The following VCAN variants were observed in gnomAD, a reference collection of about 807,000 sequenced individuals.
VCAN encodes the protein versican core protein.
VCAN carries 44 observed loss-of-function variants against 245.5 expected under a neutral mutation model. That is an observed-to-expected ratio of 0.18 (90% CI 0.14 to 0.23). The LOEUF (loss-of-function observed/expected upper bound fraction) is 0.23, where lower values mean the gene tolerates loss of function less well. Among genes scored for constraint, VCAN ranks in the 10% least tolerant of loss-of-function variants. VCAN has a pLI of 1.00. For missense variants in VCAN, 3,793 were observed against 4,057.9 expected (o/e 0.93, Z 1.77); for synonymous variants, 1,413 against 1,437.0 (o/e 0.98, Z 0.38).
chr5:83,529,667 C>A (rs906161958), intron 7 of VCAN, among the ~76,000 whole-genome samples: 2 of 152,028 alleles, frequency 1.3e-5, no homozygotes, highest in African/African-American at 4.8e-5. Context: ...CCTCCACAGG[C>A]CTCAGTTGTT....
Position 83,553,333 on chromosome 5 carries a change from G to A in VCAN, c.9494-31G>A, listed in dbSNP as rs774973340. ...TGCCAAGTTTGAATGACGTATGTGC[G>A]TTTAATAAGCTCCTGCCTGTTTCTT... On this transcript the variant is annotated intron_variant, in intron 10 of 14. Transcript: ENST00000265077. 71 of 1,613,324 alleles carry A rather than the reference G, an allele frequency of 4.4e-5. 1 individual carries two copies. In the Admixed American group the frequency reaches 1.0e-3, roughly 23 times the overall value.
intron 1 of VCAN, among the ~76,000 whole-genome samples, chr5:83,480,813 A>G (rs1191284462): frequency 3.9e-5 from 6 of 152,222 alleles, no homozygotes; most frequent in Non-Finnish European, 7.3e-5. Flanking sequence ...TTTCAAATGT[A>G]AGAGCCCCAA....
intron 7 of VCAN, among the ~76,000 whole-genome samples, chr5:83,525,052 T>C (rs1391957054): frequency 1.3e-5 from 2 of 151,720 alleles, no homozygotes; most frequent in African/African-American, 4.8e-5. Flanking sequence ...TCTTGTTTTT[T>C]TTTTTTTTTT....
Position 83,538,794 on chromosome 5 carries a change from G to A in VCAN, c.5791G>A (p.Glu1931Lys). 1 of 1,613,932 alleles carries A rather than the reference G, an allele frequency of 6.2e-7. No individual in the cohort carries two copies. The highest frequency in any genetic ancestry group is 8.5e-7 in the Non-Finnish European group (1 of 1,179,962). ...GGGCTTTTCCACAGGTTTTCCTTTGGAGGAAGATTTCAGTGGTGACTTTAG... is the reference window on the plus strand; with the variant it reads ...GGGCTTTTCCACAGGTTTTCCTTTGAAGGAAGATTTCAGTGGTGACTTTAG... Reference protein sequence around the residue: ...IRGFSTGFPLEEDFSGDFREY... With the variant: ...IRGFSTGFPLKEDFSGDFREY... Residue 1931 changes from glutamate to lysine, a missense_variant, in exon 8 of 15, where the codon GAG (glutamate) becomes AAG (lysine). Physicochemically the swap from Glu to Lys is moderately conservative, Grantham distance 56 (BLOSUM62 1). Transcript: ENST00000265077.
rs192746889 is a variant in VCAN at position 83,507,501 on chromosome 5, A to T, written c.749-4602A>T. On this transcript the variant is annotated intron_variant, in intron 5 of 14. Transcript: ENST00000265077. Reference sequence around the variant, plus strand: ...GGTGGCTTTATGATACCCTCTGGGTAGGAGCTTACACAGTTGGGCCAATTA... The same window carrying T: ...GGTGGCTTTATGATACCCTCTGGGTTGGAGCTTACACAGTTGGGCCAATTA... Among the ~76,000 whole-genome samples, 6 of 152,372 alleles carry T rather than the reference A, an allele frequency of 3.9e-5. 1 individual carries two copies. The highest frequency in any genetic ancestry group is 7.3e-5 in the Non-Finnish European group (5 of 68,030).
At chr5:83,486,385 G>A (rs1744792790) in intron 2 of VCAN, among the ~76,000 whole-genome samples, 1 of 152,166 alleles carries the variant, frequency 6.6e-6, no homozygotes, top group Non-Finnish European at 1.5e-5. Context: ...GGACCACCTG[G>A]ATAGTTTTTA....
rs544472491 is a variant in VCAN at position 83,574,349 on chromosome 5, G to T, written c.9880+1789G>T. Reference sequence around the variant, plus strand: ...TTGACACCTAAAATTAAGTCTACAGGTCTACCCCTTGCAACTTGGCACCCA... The same window carrying T: ...TTGACACCTAAAATTAAGTCTACAGTTCTACCCCTTGCAACTTGGCACCCA... On this transcript the variant is annotated intron_variant, in intron 13 of 14. Coordinates refer to ENST00000265077, the MANE Select transcript of VCAN (RefSeq NM_004385.5). Among the ~76,000 whole-genome samples, 17 of 152,140 alleles carry T rather than the reference G, an allele frequency of 1.1e-4. No individual in the cohort carries two copies. The East Asian group carries it at 3.1e-3, about 28-fold the overall frequency.
intron 12 of VCAN, among the ~76,000 whole-genome samples, chr5:83,559,701 T>G (rs1457840967): frequency 6.6e-6 from 1 of 152,132 alleles, no homozygotes; most frequent in African/African-American, 2.4e-5. Flanking sequence ...CAGGCTCCTG[T>G]GAAATCAACT....
intron 5 of VCAN, among the ~76,000 whole-genome samples, chr5:83,494,868 TG>T (rs1242186291): frequency 6.9e-6 from 1 of 144,852 alleles, no homozygotes; most frequent in Non-Finnish European, 1.5e-5. Flanking sequence ...AGTGTGGGGG[TG>T]GGGGGTCCTG....
At chr5:83,549,755 T>C (rs1747388997) in intron 10 of VCAN, among the ~76,000 whole-genome samples, 1 of 152,206 alleles carries the variant, frequency 6.6e-6, no homozygotes, top group Admixed American at 6.5e-5. Context: ...TTGATTTTCA[T>C]GCACATTTTT....
intron 5 of VCAN, among the ~76,000 whole-genome samples, chr5:83,498,660 C>T (rs1329822015): frequency 1.3e-5 from 2 of 152,168 alleles, no homozygotes; most frequent in Non-Finnish European, 2.9e-5. Context: ...AGAACAAATA[C>T]GTGAACAATG....
At chr5:83,576,038 AAGT>A (rs1748460916) in intron 13 of VCAN, among the ~76,000 whole-genome samples, 1 of 152,084 alleles carries the variant, frequency 6.6e-6, no homozygotes, top group South Asian at 2.1e-4. Context: ...CTACAGACCT[AAGT>A]AGTTTTCCTT....
Position 83,519,540 on chromosome 5 carries a change from CCT to C in VCAN, c.1236_1237del (p.Gln413GlyfsTer5). On this transcript the variant is annotated frameshift_variant, in exon 7 of 15. Coordinates refer to ENST00000265077, the MANE Select transcript of VCAN (RefSeq NM_004385.5). LOFTEE classifies it high-confidence loss of function. ...VSFEQKATVQPQAITDSLATK... is the reference protein window; with the variant it reads ...VSFEQKATVQXQAITDSLATK... ...TTTTGAACAGAAAGCCACAGTCCAA[CCT>C]CAGGCTATCACAGATAGTTTAGCCA... 6.2e-7 allele frequency: 1 copy of C among 1,614,142 alleles called. No homozygotes were observed. Among genetic ancestry groups the C allele is most frequent in the African/African-American group, 1.3e-5 (1 of 75,060 alleles).
chr5:83,554,857 G>A, intron 11 of VCAN, 99 bp from the exon 12 acceptor site: 7 of 1,102,780 alleles, frequency 6.3e-6, no homozygotes, highest in South Asian at 5.2e-5. Context: ...AGCCAGTAAA[G>A]AGGATGCATG....
chr5:83,472,031 C>T lies in VCAN; in HGVS notation c.-7+8C>T, dbSNP rs1156294157. On this transcript the variant is annotated splice_region_variant and intron_variant, in intron 1 of 14. Coordinates refer to ENST00000265077, the MANE Select transcript of VCAN (RefSeq NM_004385.5). ...AATAAGCCGCCTTCCAAGGTAATCA[C>T]GTTTCTTTTGTTCCCCCCTTAAAAA... The T allele has an allele frequency of 1.1e-5, 4 of 355,292 alleles. No individual in the cohort carries two copies. The highest frequency in any genetic ancestry group is 2.1e-5 in the African/African-American group (1 of 47,614). 22.0% of individuals were successfully genotyped at this position (355,292 alleles called of 1,614,324 possible).
chr5:83,547,202 A>G (rs1747260474), intron 9 of VCAN, among the ~76,000 whole-genome samples: 1 of 152,190 alleles, frequency 6.6e-6, no homozygotes, highest in Non-Finnish European at 1.5e-5. Context: ...GAAGGTCCTG[A>G]GTTCAGGATA....
chr5:83,474,464 C>T (rs1433167765), intron 1 of VCAN, among the ~76,000 whole-genome samples: 1 of 152,178 alleles, frequency 6.6e-6, no homozygotes, highest in Non-Finnish European at 1.5e-5. Context: ...AAGAACTAGA[C>T]AAGCGGAGGT....
At chr5:83,575,432 C>T (rs995891052) in intron 13 of VCAN, among the ~76,000 whole-genome samples, 1 of 152,158 alleles carries the variant, frequency 6.6e-6, no homozygotes, top group East Asian at 1.9e-4. Flanking sequence ...CTAAATTATT[C>T]GTCTCTATCC....
At chr5:83,484,874 G>A (rs1012058099) in intron 2 of VCAN, among the ~76,000 whole-genome samples, 2 of 152,256 alleles carry the variant, frequency 1.3e-5, no homozygotes, top group Admixed American at 1.3e-4. Context: ...TGATAATGAG[G>A]AACCAGCCAG....
Sources: gnomAD v4.1 joint callset for allele counts (sites outside exome capture counted in the v4.1 genomes callset) on GRCh38, gnomAD v4.1.1 for gene constraint, MANE v1.5 for transcripts, NCBI Gene and HGNC (gene_info 2026-07-23, HGNC 2026-07-21) for gene names.